Variants in PPARA observed in about 807,000 individuals in gnomAD.
The protein encoded by PPARA is peroxisome proliferator activated receptor alpha, also known as peroxisome proliferator-activated receptor alpha.
PPARA carries 22 observed loss-of-function variants against 42.2 expected under a neutral mutation model. That is an observed-to-expected ratio of 0.52 (90% CI 0.37 to 0.74). The LOEUF is 0.74. PPARA is among the 30% of genes least tolerant of loss of function. PPARA has a pLI of 0.00. For synonymous variants in PPARA, 242 were observed against 239.3 expected (o/e 1.01, Z -0.10); for missense variants, 465 against 608.2 (o/e 0.76, Z 2.48).
chr22:46,238,532 T>C lies in PPARA; in HGVS notation c.*3152T>C, dbSNP rs1385679522. The C allele has an allele frequency of 6.6e-6, 1 of 152,230 alleles. No homozygotes were observed. The highest frequency in any genetic ancestry group is 1.5e-5 in the Non-Finnish European group (1 of 68,046). 9.4% of individuals were successfully genotyped at this position (152,230 alleles called of 1,614,324 possible). On this transcript the variant is annotated 3_prime_UTR_variant, in exon 9 of 9. Coordinates refer to ENST00000407236, the MANE Select transcript of PPARA (RefSeq NM_005036.6). The surrounding 1 kb of genome is among the most constrained non-coding windows in gnomAD (Gnocchi z 8.3). ...CCAAATTTACCCACTCTTCAACAAG[T>C]CATTGTTTAAACACGGTTTTTCATT...
chr22:46,177,072 A>G (rs112641492), intron 3 of PPARA, among the ~76,000 whole-genome samples: 2,011 of 152,166 alleles, frequency 0.013, 37 homozygotes, highest in Admixed American at 0.041. Context: ...TTAGCCGGGC[A>G]TGGTGGCAGG....
rs1159055214 is a variant in PPARA, at chr22:46,213,432, G to A, written c.209-1741G>A. 4.9e-5 allele frequency among the ~76,000 whole-genome samples: 7 copies of A among 143,824 alleles called. No homozygotes were observed. The South Asian group carries it at 8.7e-4, about 18-fold the overall frequency. 94.4% of individuals were successfully genotyped at this position (143,824 alleles called of 152,430 possible). A position where few individuals can be genotyped will look rare whatever the true frequency, so the allele number is the denominator to read the frequency against. ...TTTTTTTTTTTTTTCCTTTTGATAC[G>A]GAGTCTTGCTCTGTCGCCAGGCTGG... On this transcript the variant is annotated intron_variant, in intron 4 of 8. Coordinates refer to ENST00000407236, the MANE Select transcript of PPARA (RefSeq NM_005036.6).
At chr22:46,172,091 G>A (rs1289669319) in intron 2 of PPARA, among the ~76,000 whole-genome samples, 7 of 152,028 alleles carry the variant, frequency 4.6e-5, no homozygotes, top group African/African-American at 9.7e-5. Flanking sequence ...GTCCCTGGTC[G>A]GTTTCCCTAC....
rs918311289 is a variant in PPARA at position 46,230,103 on chromosome 22, G to A, written c.712-1689G>A. On this transcript the variant is annotated intron_variant, in intron 7 of 8. Transcript: ENST00000407236. This position sits in a 1 kb window ranked among gnomAD's most constrained non-coding sequence, Gnocchi z 5.0. ...AATAACGCTGTAGGCCGGGCGCGGT[G>A]GCTCACCCCTGTAATCCCAGCACTT... 4.6e-5 allele frequency among the ~76,000 whole-genome samples: 7 copies of A among 152,230 alleles called. No individual in the cohort carries two copies. In the South Asian group the frequency reaches 1.4e-3, roughly 32 times the overall value.
chr22:46,200,795 G>A lies in PPARA; in HGVS notation c.208+2204G>A, dbSNP rs1266384409. 6.6e-6 allele frequency among the ~76,000 whole-genome samples: 1 copy of A among 152,038 alleles called. No homozygotes were observed. The highest frequency in any genetic ancestry group is 1.5e-5 in the Non-Finnish European group (1 of 68,014). On this transcript the variant is annotated intron_variant, in intron 4 of 8. Coordinates refer to ENST00000407236, the MANE Select transcript of PPARA (RefSeq NM_005036.6). The surrounding 1 kb of genome is among the most constrained non-coding windows in gnomAD (Gnocchi z 4.8). Reference sequence around the variant, plus strand: ...TAGCTGGGAGTGGTGGCAGGTGCCTGTAATCCCAGCTACTCTACTCAGGAG... The same window carrying A: ...TAGCTGGGAGTGGTGGCAGGTGCCTATAATCCCAGCTACTCTACTCAGGAG...
intron 2 of PPARA, chr22:46,164,035 G>C (rs1926642615): frequency 6.6e-6 from 1 of 151,960 alleles, no homozygotes; most frequent in South Asian, 2.1e-4. Context: ...GGCCAACATG[G>C]TGAAACCTTG....
At position 46,167,741 on chromosome 22, in the gene PPARA, G is replaced by A. The variant is rs907668709; in HGVS notation, c.-126-9012G>A. On this transcript the variant is annotated intron_variant, in intron 2 of 8. Coordinates refer to ENST00000407236, the MANE Select transcript of PPARA (RefSeq NM_005036.6). The surrounding 1 kb of genome is among the most constrained non-coding windows in gnomAD (Gnocchi z 4.1). ...GGTTTGGCAAAGATTCCTTGAACATGATTTAAAAAGCATTAACTAGGCCAG... is the reference window on the plus strand; with the variant it reads ...GGTTTGGCAAAGATTCCTTGAACATAATTTAAAAAGCATTAACTAGGCCAG... Among the ~76,000 whole-genome samples the A allele has an allele frequency of 1.8e-4, 27 of 152,114 alleles. No homozygotes were observed. Among genetic ancestry groups the A allele is most frequent in the African/African-American group, 5.8e-4 (24 of 41,420 alleles).
intron 4 of PPARA, among the ~76,000 whole-genome samples, chr22:46,214,066 T>A (rs1390524540): frequency 6.6e-6 from 1 of 152,248 alleles, no homozygotes; most frequent in Non-Finnish European, 1.5e-5. Flanking sequence ...TTTCATGGAT[T>A]GTGCATTTGG....
chr22:46,193,214 G>A lies in PPARA; in HGVS notation c.-42-5128G>A, dbSNP rs573936005. ...CCCAAATAGCTGGGATTATGGGCAC[G>A]CGCCACCACACCTGGCTAATGTTTG... On this transcript the variant is annotated intron_variant, in intron 3 of 8. Coordinates refer to ENST00000407236, the MANE Select transcript of PPARA (RefSeq NM_005036.6). This position sits in a 1 kb window ranked among gnomAD's most constrained non-coding sequence, Gnocchi z 5.3. Among the ~76,000 whole-genome samples the A allele has an allele frequency of 1.1e-4, 17 of 152,146 alleles. No homozygotes were observed. The highest frequency in any genetic ancestry group is 7.2e-4 in the Admixed American group (11 of 15,272).
chr22:46,230,654 C>T lies in PPARA; in HGVS notation c.712-1138C>T, dbSNP rs570127334. 6.6e-6 allele frequency among the ~76,000 whole-genome samples: 1 copy of T among 152,284 alleles called. No individual in the cohort carries two copies. Among genetic ancestry groups the T allele is most frequent in the Non-Finnish European group, 1.5e-5 (1 of 68,012 alleles). On this transcript the variant is annotated intron_variant, in intron 7 of 8. Coordinates refer to ENST00000407236, the MANE Select transcript of PPARA (RefSeq NM_005036.6). The surrounding 1 kb of genome is among the most constrained non-coding windows in gnomAD (Gnocchi z 5.0). ...GGCCACTGGGTTTACATGCAGATGG[C>T]ATGGGAGCACACAAGGCACGGCTGT...
In PPARA at chr22:46,212,192, G is replaced by A. The variant is rs541278397; in HGVS notation, c.209-2981G>A. On this transcript the variant is annotated intron_variant, in intron 4 of 8. Coordinates refer to ENST00000407236, the MANE Select transcript of PPARA (RefSeq NM_005036.6). This position sits in a 1 kb window ranked among gnomAD's most constrained non-coding sequence, Gnocchi z 4.2. ...CCACCTCAGCCTCCCAAGTAGCTGGGATTACAGGTGCACACCGCTGAGCCC... is the reference window on the plus strand; with the variant it reads ...CCACCTCAGCCTCCCAAGTAGCTGGAATTACAGGTGCACACCGCTGAGCCC... 5.3e-5 allele frequency among the ~76,000 whole-genome samples: 8 copies of A among 152,096 alleles called. No homozygotes were observed. In the East Asian group the frequency reaches 1.6e-3, roughly 29 times the overall value.
rs538273768 is a variant in PPARA at position 46,227,086 on chromosome 22, C to T, written c.712-4706C>T. Among the ~76,000 whole-genome samples, 2 of 145,256 alleles carry T rather than the reference C, an allele frequency of 1.4e-5. No individual in the cohort carries two copies. The highest frequency in any genetic ancestry group is 2.1e-4 in the South Asian group (1 of 4,724). On this transcript the variant is annotated intron_variant, in intron 7 of 8. Coordinates refer to ENST00000407236, the MANE Select transcript of PPARA (RefSeq NM_005036.6). The surrounding 1 kb of genome is among the most constrained non-coding windows in gnomAD (Gnocchi z 4.3). Reference sequence around the variant, plus strand: ...TACCATGTCTTGGGGTGTTGCCTGCCGTGTGACAGTCCAATATTATACCTA... The same window carrying T: ...TACCATGTCTTGGGGTGTTGCCTGCTGTGTGACAGTCCAATATTATACCTA...
In PPARA at chr22:46,160,490, G is replaced by T. The variant is rs1926001246; in HGVS notation, c.-127+8520G>T. ...TTGTTGTATTTTTAGTAGAGATGGGGTTTCACCACGTTGGCCAGGCTGGTC... is the reference window on the plus strand; with the variant it reads ...TTGTTGTATTTTTAGTAGAGATGGGTTTTCACCACGTTGGCCAGGCTGGTC... On this transcript the variant is annotated intron_variant, in intron 2 of 8. Coordinates refer to ENST00000407236, the MANE Select transcript of PPARA (RefSeq NM_005036.6). This position sits in a 1 kb window ranked among gnomAD's most constrained non-coding sequence, Gnocchi z 4.5. Among the ~76,000 whole-genome samples, 1 of 152,150 alleles carries T rather than the reference G, an allele frequency of 6.6e-6. No homozygotes were observed.
intron 7 of PPARA, among the ~76,000 whole-genome samples, chr22:46,229,187 G>A (rs182601816): frequency 9.2e-4 from 140 of 152,082 alleles, no homozygotes; most frequent in African/African-American, 3.2e-3. Flanking sequence ...ATAAAGTGAC[G>A]GTGGCCTAAG....
chr22:46,150,659 G>T lies in PPARA; in HGVS notation c.-210+7G>T, dbSNP rs1376923790. ...GCGGCGGACCGCGGCCCAGGTGCCC[G>T]GGGGCGGGCGGGCGGGCGGGCGGGA... On this transcript the variant is annotated splice_region_variant and intron_variant, in intron 1 of 8. Transcript: ENST00000407236. The surrounding 1 kb of genome is among the most constrained non-coding windows in gnomAD (Gnocchi z 7.5). The T allele has an allele frequency of 6.9e-6, 1 of 144,530 alleles. No individual in the cohort carries two copies. The highest frequency in any genetic ancestry group is 1.5e-5 in the Non-Finnish European group (1 of 64,964). The allele number at this position is 144,530 out of a possible 1,614,324, so 9.0% of individuals were successfully genotyped here. A position where few individuals can be genotyped will look rare whatever the true frequency, so the allele number is the denominator to read the frequency against.
At position 46,240,502 on chromosome 22, in the gene PPARA, G is replaced by T. The variant is rs1472658866; in HGVS notation, c.*5122G>T. The T allele has an allele frequency of 1.9e-5, 7 of 378,258 alleles. No individual in the cohort carries two copies. Among genetic ancestry groups the T allele is most frequent in the Non-Finnish European group, 3.3e-5 (7 of 213,828 alleles). 23.4% of individuals were successfully genotyped at this position (378,258 alleles called of 1,614,324 possible). On this transcript the variant is annotated 3_prime_UTR_variant, in exon 9 of 9. Coordinates refer to ENST00000407236, the MANE Select transcript of PPARA (RefSeq NM_005036.6). This position sits in a 1 kb window ranked among gnomAD's most constrained non-coding sequence, Gnocchi z 6.0. ...CTGCAGTTAGCATGGTTGGCCTGAT[G>T]CAGGGATCCCGAGGGATTACTTTTT...
intron 4 of PPARA, among the ~76,000 whole-genome samples, chr22:46,199,318 A>G (rs992121332): frequency 2.6e-5 from 4 of 152,144 alleles, no homozygotes; most frequent in African/African-American, 9.7e-5. Context: ...ATACAGTGGT[A>G]TATACTTCAT....
chr22:46,169,067 G>A (rs1213818111), intron 2 of PPARA, among the ~76,000 whole-genome samples: 1 of 151,862 alleles, frequency 6.6e-6, no homozygotes, highest in African/African-American at 2.4e-5. Flanking sequence ...CACAGGGCAT[G>A]TTTAGGGCAG....
intron 7 of PPARA, among the ~76,000 whole-genome samples, chr22:46,229,736 G>T (rs1012494111): frequency 6.6e-6 from 1 of 152,182 alleles, no homozygotes; most frequent in South Asian, 2.1e-4. Context: ...AGATTATTTA[G>T]AAACTTGGCT....
Sources: gnomAD v4.1 joint callset for allele counts (sites outside exome capture counted in the v4.1 genomes callset) on GRCh38, gnomAD v4.1.1 for gene constraint, Gnocchi (gnomAD v3.1) non-coding constraint, MANE v1.5 for transcripts, NCBI Gene and HGNC (gene_info 2026-07-23, HGNC 2026-07-21) for gene names.